The following R3HDM1 variants were observed in gnomAD, a reference collection of about 807,000 sequenced individuals.
The protein encoded by R3HDM1 is R3H domain-containing protein 1.
Under a neutral mutation model 141.1 loss-of-function variants are expected in R3HDM1, and 46 were observed. That is an observed-to-expected ratio of 0.33 (90% CI 0.26 to 0.42). The LOEUF (loss-of-function observed/expected upper bound fraction) is 0.42, where lower values mean the gene tolerates loss of function less well. Ranked by LOEUF, R3HDM1 falls within the 10% of genes least tolerant of loss-of-function variation. R3HDM1 has a pLI of 1.00. For missense variants in R3HDM1, 1,184 were observed against 1,368.3 expected (o/e 0.87, Z 2.12); for synonymous variants, 435 against 472.9 (o/e 0.92, Z 1.04).
At chr2:135,663,949 G>A (rs1287721307) in intron 19 of R3HDM1, among the ~76,000 whole-genome samples, 6 of 148,912 alleles carry the variant, frequency 4.0e-5, no homozygotes, top group South Asian at 2.1e-4. Context: ...CAGGAGAATC[G>A]TTTGAACCTA....
intron 24 of R3HDM1, among the ~76,000 whole-genome samples, chr2:135,718,816 C>T (rs1575252179): frequency 6.6e-6 from 1 of 152,074 alleles, no homozygotes; most frequent in East Asian, 1.9e-4. Flanking sequence ...TCGTAATTCT[C>T]TATCTCCAAA....
intron 16 of R3HDM1, among the ~76,000 whole-genome samples, 187 bp from the exon 17 acceptor site, chr2:135,649,715 A>C (rs2064934421): frequency 6.6e-6 from 1 of 152,208 alleles, no homozygotes; most frequent in African/African-American, 2.4e-5. Context: ...CATGTTTTTG[A>C]AAGTTTTACT....
Position 135,699,016 on chromosome 2 carries a change from TAGA to T in R3HDM1, c.2460-10416_2460-10414del, listed in dbSNP as rs1444026773. ...ATAGATAGATAGATAGATAGATAGA[TAGA>T]TAGATAGATAGATAGATAGATAGAT... is the stretch of plus-strand genomic sequence containing the variant. On this transcript the variant is annotated intron_variant, in intron 21 of 26. Coordinates refer to ENST00000683871, the MANE Select transcript of R3HDM1 (RefSeq NM_001378107.1). 4.3e-4 allele frequency among the ~76,000 whole-genome samples: 50 copies of T among 116,888 alleles called. No individual in the cohort carries two copies. The East Asian group carries it at 5.4e-3, about 13-fold the overall frequency. 76.7% of individuals were successfully genotyped at this position (116,888 alleles called of 152,430 possible).
chr2:135,651,605 G>A, intron 17 of R3HDM1, 125 bp from the exon 18 acceptor site: 1 of 1,324,850 alleles, frequency 7.5e-7, no homozygotes, highest in Non-Finnish European at 9.7e-7. Flanking sequence ...AATTGCTGTT[G>A]TTGATATATA....
chr2:135,626,189 G>A (rs1026168874), intron 7 of R3HDM1, among the ~76,000 whole-genome samples: 9 of 139,602 alleles, frequency 6.4e-5, no homozygotes, highest in African/African-American at 2.1e-4. Flanking sequence ...GCTTGCGTGC[G>A]TGCGTGCGTG....
intron 5 of R3HDM1, 62 bp from the exon 6 acceptor site, chr2:135,621,432 T>A: frequency 1.0e-6 from 1 of 992,314 alleles, no homozygotes; most frequent in Non-Finnish European, 1.4e-6. Context: ...AAAATATAAA[T>A]GTGTGGTATT....
chr2:135,538,894 G>C (rs966122800), intron 1 of R3HDM1, among the ~76,000 whole-genome samples: 28 of 152,120 alleles, frequency 1.8e-4, no homozygotes, highest in African/African-American at 6.8e-4. Context: ...GATTACAGAC[G>C]TGAGCCACCA....
intron 1 of R3HDM1, among the ~76,000 whole-genome samples, chr2:135,563,628 G>A (rs572956417): frequency 8.6e-4 from 131 of 152,182 alleles, no homozygotes; most frequent in African/African-American, 2.7e-3. Context: ...ACCAGGGTGC[G>A]GTAAATACCC....
chr2:135,671,233 A>G (rs1181865468), intron 19 of R3HDM1, among the ~76,000 whole-genome samples: 1 of 151,648 alleles, frequency 6.6e-6, no homozygotes, highest in African/African-American at 2.4e-5. Context: ...ACAGTTTTCT[A>G]GGAGAGACTT....
chr2:135,707,097 T>C (rs1236864815), intron 21 of R3HDM1, among the ~76,000 whole-genome samples: 1 of 152,156 alleles, frequency 6.6e-6, no homozygotes, highest in Non-Finnish European at 1.5e-5. Context: ...TTCAGGAAGT[T>C]TGGGGATAAA....
chr2:135,547,841 T>C (rs1699059830), intron 1 of R3HDM1, among the ~76,000 whole-genome samples: 2 of 143,542 alleles, frequency 1.4e-5, no homozygotes, highest in African/African-American at 2.6e-5. Flanking sequence ...TGGCACGATC[T>C]CGGCTCACTG....
At chr2:135,699,233 T>A (rs1422122528) in intron 21 of R3HDM1, among the ~76,000 whole-genome samples, 1 of 152,196 alleles carries the variant, frequency 6.6e-6, no homozygotes, top group African/African-American at 2.4e-5. Flanking sequence ...AGAGACAGCC[T>A]TTGAAGAGAA....
chr2:135,584,220 C>T (rs1407211818), intron 1 of R3HDM1: 5 of 509,072 alleles, frequency 9.8e-6, no homozygotes, highest in South Asian at 1.7e-4. Context: ...CCCAGCTACT[C>T]GGGAGGCTGA....
intron 1 of R3HDM1, among the ~76,000 whole-genome samples, chr2:135,562,587 A>C (rs750993461): frequency 1.3e-5 from 2 of 152,200 alleles, no homozygotes; most frequent in South Asian, 4.1e-4. Context: ...ACTTACCAAT[A>C]TCTAGACTTG....
intron 7 of R3HDM1, among the ~76,000 whole-genome samples, chr2:135,623,770 A>G (rs774085667): frequency 1.3e-5 from 2 of 152,224 alleles, no homozygotes; most frequent in Non-Finnish European, 2.9e-5. Flanking sequence ...ATGAAAAGGT[A>G]TTACATAGAA....
rs763279314 is a variant in R3HDM1, at chr2:135,621,587, C to T, written c.397C>T (p.Pro133Ser). 8 of 1,587,506 alleles carry T rather than the reference C, an allele frequency of 5.0e-6. No homozygotes were observed. In the South Asian group the frequency reaches 9.4e-5, roughly 19 times the overall value. Residue 133 changes from proline (P) to serine (S), a missense_variant, in exon 6 of 27, where the codon CCC becomes TCC. Around this residue, in one of 5 missense-constraint regions of R3HDM1, gnomAD observed 192 missense variants for 215.7 expected, o/e 0.89. Coordinates refer to ENST00000683871, the MANE Select transcript of R3HDM1 (RefSeq NM_001378107.1). ...AAAAGAAAAGGCCAGTGATAAGTTG[C>T]CCAGAAAAATGTTATCAAGAGGTTT... Reference protein sequence around the residue: ...AEKEKASDKLPRKMLSRDSSQ... With the variant: ...AEKEKASDKLSRKMLSRDSSQ...
rs75428738 is a variant in R3HDM1 at position 135,700,983 on chromosome 2, G to A, written c.2460-8450G>A. ...TTTTTTCCTATACATACATGCCTCC[G>A]ATAAAGTTTTAATTTATAAATTAGG... is the stretch of plus-strand genomic sequence containing the variant. On this transcript the variant is annotated intron_variant, in intron 21 of 26. Coordinates refer to ENST00000683871, the MANE Select transcript of R3HDM1 (RefSeq NM_001378107.1). Among the ~76,000 whole-genome samples the A allele has an allele frequency of 7.3e-3, 1,109 of 152,154 alleles. 13 individuals are homozygous for A. The highest frequency in any genetic ancestry group is 0.025 in the African/African-American group (1,036 of 41,506).
intron 18 of R3HDM1, among the ~76,000 whole-genome samples, chr2:135,657,150 C>G (rs961708694): frequency 6.6e-6 from 1 of 151,702 alleles, no homozygotes; most frequent in African/African-American, 2.4e-5. Flanking sequence ...AGCTTGTAAT[C>G]CTAGCACTTT....
In R3HDM1 at chr2:135,621,624, G is replaced by T. The variant is rs766875544; in HGVS notation, c.418+16G>T. ...TTATCAAGAGGTTTGCAGTTCTTTTGTTTTTTTTTAAAAAAAAATTTTGCT... is the reference window on the plus strand; with the variant it reads ...TTATCAAGAGGTTTGCAGTTCTTTTTTTTTTTTTTAAAAAAAAATTTTGCT... On this transcript the variant is annotated intron_variant, in intron 6 of 26. Transcript: ENST00000683871. The T allele has an allele frequency of 6.6e-6, 10 of 1,506,788 alleles. No homozygotes were observed. The South Asian group carries it at 6.8e-5, about 10-fold the overall frequency. 93.3% of individuals were successfully genotyped at this position (1,506,788 alleles called of 1,614,324 possible).
Sources: gnomAD v4.1 joint callset for allele counts (sites outside exome capture counted in the v4.1 genomes callset) on GRCh38, gnomAD v4.1.1 for gene constraint, gnomAD v4.1.1 regional missense constraint, MANE v1.5 for transcripts, NCBI Gene and HGNC (gene_info 2026-07-23, HGNC 2026-07-21) for gene names.